The following SCAMP4 variants were observed in gnomAD, a reference collection of about 807,000 sequenced individuals.
SCAMP4 encodes secretory carrier-associated membrane protein 4.
In SCAMP4, 19 loss-of-function variants were observed where a neutral mutation model predicts 32.1. The observed-to-expected ratio is 0.59, with a 90% CI of 0.41 to 0.87. SCAMP4 has a LOEUF of 0.87. Among genes scored for constraint, SCAMP4 ranks in the 40% least tolerant of loss-of-function variants. The pLI, the probability that SCAMP4 is intolerant of heterozygous loss-of-function variation, is 0.00. For missense variants in SCAMP4, 302 were observed against 309.0 expected (o/e 0.98, Z 0.17); for synonymous variants, 152 against 132.7 (o/e 1.15, Z -1.00).
intron 1 of SCAMP4, chr19:1,907,264 C>T (rs2013174301): frequency 6.6e-6 from 1 of 151,866 alleles, no homozygotes; most frequent in African/African-American, 2.4e-5. Flanking sequence ...AGTTCTCTCC[C>T]CTACTTCCCC....
intron 1 of SCAMP4, chr19:1,912,259 A>C: frequency 6.3e-7 from 1 of 1,597,038 alleles, no homozygotes; most frequent in Non-Finnish European, 8.5e-7. Flanking sequence ...GACAAGCGCC[A>C]GACCTCACGC....
At chr19:1,910,899 G>T (rs571555516) in intron 1 of SCAMP4, among the ~76,000 whole-genome samples, 1 of 150,454 alleles carries the variant, frequency 6.6e-6, no homozygotes, top group Non-Finnish European at 1.5e-5. Flanking sequence ...TGACAGTCTC[G>T]CGCTGTTACC....
intron 1 of SCAMP4, among the ~76,000 whole-genome samples, chr19:1,910,064 T>A (rs1386853292): frequency 7.2e-5 from 11 of 152,236 alleles, no homozygotes. Context: ...GCTTGCTTTC[T>A]GTCACTGCAT....
At chr19:1,921,215 C>A (rs2013909870) in intron 5 of SCAMP4, 1 of 984,826 alleles carries the variant, frequency 1.0e-6, no homozygotes, top group Non-Finnish European at 1.2e-6. Flanking sequence ...CCTCCCCACA[C>A]ACTCTGTGCA....
intron 5 of SCAMP4, chr19:1,922,329 G>C (rs1351217295): frequency 3.9e-5 from 35 of 904,756 alleles, no homozygotes; most frequent in Non-Finnish European, 4.5e-5. Flanking sequence ...GCACGATCTC[G>C]GCTCACTGCA....
chr19:1,918,413 G>T, intron 4 of SCAMP4, 130 bp downstream of exon 4: 1 of 1,049,178 alleles, frequency 9.5e-7, no homozygotes. Context: ...ACATCTGGGG[G>T]TGGCAAACTG....
intron 5 of SCAMP4, chr19:1,921,228 G>C (rs1011010839): frequency 1.6e-4 from 155 of 985,102 alleles, no homozygotes; most frequent in Non-Finnish European, 1.9e-4. Flanking sequence ...TCTGTGCACT[G>C]CTGTGGGGCA....
rs754449771 is a variant in SCAMP4, at chr19:1,924,214, A to G, written c.620A>G (p.Asn207Ser). 1 of 1,608,844 alleles carries G rather than the reference A, an allele frequency of 6.2e-7. No individual in the cohort carries two copies. The highest frequency in any genetic ancestry group is 8.5e-7 in the Non-Finnish European group (1 of 1,177,708). Residue 207 changes from asparagine (N) to serine (S), a missense_variant, in exon 7 of 7, where the codon AAC becomes AGC. Asn to Ser is a conservative substitution (Grantham distance 46, BLOSUM62 1). Transcript: ENST00000316097. ...NPPSREAQYN[N>S]FSGNSLPEYP... Reference sequence around the variant, plus strand: ...CCGTCGAGGGAGGCCCAGTACAACAACTTCTCAGGCAACAGCCTGCCCGAG... The same window carrying G: ...CCGTCGAGGGAGGCCCAGTACAACAGCTTCTCAGGCAACAGCCTGCCCGAG...
chr19:1,921,889 G>A (rs887788688), intron 5 of SCAMP4: 4 of 985,268 alleles, frequency 4.1e-6, no homozygotes, highest in Admixed American at 6.2e-5. Context: ...CCAAGCAGGC[G>A]AACACAGGAC....
rs2013287238 is a variant in SCAMP4, at chr19:1,908,953, A to C, written c.-42+3514A>C. ...AACCCCGTCTCTACTGAAAATACAA[A>C]AATTAGCCGGGCGTGGTGGCATGTG... On this transcript the variant is annotated intron_variant, in intron 1 of 6. Transcript: ENST00000316097. The surrounding 1 kb of genome is among the most constrained non-coding windows in gnomAD (Gnocchi z 4.2). 6.6e-6 allele frequency among the ~76,000 whole-genome samples: 1 copy of C among 152,082 alleles called. No individual in the cohort carries two copies. The highest frequency in any genetic ancestry group is 6.6e-5 in the Admixed American group (1 of 15,254).
At chr19:1,921,090 G>T in intron 5 of SCAMP4, 4 of 985,354 alleles carry the variant, frequency 4.1e-6, no homozygotes, top group Non-Finnish European at 4.8e-6. Flanking sequence ...AAACCACAGC[G>T]CACAGCGACT....
intron 1 of SCAMP4, chr19:1,912,169 C>G (rs750783340): frequency 6.3e-7 from 1 of 1,574,878 alleles, no homozygotes; most frequent in Non-Finnish European, 8.6e-7. Context: ...GAGCCGGCGC[C>G]GTGGCAGGCC....
chr19:1,909,524 C>A (rs62127735), intron 1 of SCAMP4, among the ~76,000 whole-genome samples: 10 of 151,958 alleles, frequency 6.6e-5, no homozygotes, highest in Admixed American at 5.9e-4. Context: ...GGGATGGTAA[C>A]GGCTTTACTG....
At chr19:1,923,456 G>C (rs2013984169) in intron 6 of SCAMP4, among the ~76,000 whole-genome samples, 1 of 152,192 alleles carries the variant, frequency 6.6e-6, no homozygotes, top group Non-Finnish European at 1.5e-5. Context: ...AGCAGGGGTT[G>C]TGTGTAAACC....
intron 1 of SCAMP4, among the ~76,000 whole-genome samples, chr19:1,909,774 G>T (rs2013340006): frequency 1.3e-5 from 2 of 152,328 alleles, no homozygotes; most frequent in Middle Eastern, 3.4e-3. Flanking sequence ...CTGTGACTGA[G>T]TAAGCAGGGA....
chr19:1,925,421 G>A lies in SCAMP4; in HGVS notation c.*1137G>A, dbSNP rs1307283335. On this transcript the variant is annotated 3_prime_UTR_variant, in exon 7 of 7. Transcript: ENST00000316097. The stretch of plus-strand genomic sequence containing the variant: ...CCTGGAGTGGCCTTTTATGAGAGGG[G>A]ACCCGTCAAATCTGTGCCTTATGGA... 1 of 152,470 alleles carries A rather than the reference G, an allele frequency of 6.6e-6. No homozygotes were observed. Among genetic ancestry groups the A allele is most frequent in the Non-Finnish European group, 1.5e-5 (1 of 68,058 alleles). The allele number at this position is 152,470 out of a possible 1,614,324, so 9.4% of individuals were successfully genotyped here.
chr19:1,917,831 G>T lies in SCAMP4; in HGVS notation c.136+9G>T. On this transcript the variant is annotated intron_variant, in intron 3 of 6. Coordinates refer to ENST00000316097, the MANE Select transcript of SCAMP4 (RefSeq NM_079834.4). ...CTACCGGCTGTGGATGTGTGAGTGC[G>T]CCTGGGGGCAGGAGGCGGGAAGCGG... The T allele has an allele frequency of 1.9e-6, 3 of 1,613,718 alleles. No homozygotes were observed. Among genetic ancestry groups the T allele is most frequent in the Non-Finnish European group, 1.7e-6 (2 of 1,179,802 alleles).
chr19:1,915,135 C>A, intron 2 of SCAMP4, 109 bp downstream of exon 2: 1 of 1,325,812 alleles, frequency 7.5e-7, no homozygotes, highest in Non-Finnish European at 1.1e-6. Context: ...GTCCTCCTGG[C>A]CCACCTGGCC....
At chr19:1,921,210 C>T (rs2013909679) in intron 5 of SCAMP4, 1 of 985,062 alleles carries the variant, frequency 1.0e-6, no homozygotes, top group Admixed American at 6.1e-5. Flanking sequence ...CGCCACCTCC[C>T]CACACACTCT....
Sources: allele counts gnomAD v4.1 joint callset (sites outside exome capture counted in the v4.1 genomes callset), GRCh38; gene constraint gnomAD v4.1.1; non-coding constraint Gnocchi (gnomAD v3.1); transcripts MANE v1.5; gene names NCBI Gene and HGNC (gene_info 2026-07-23, HGNC 2026-07-21).